The following ZER1 variants were observed in gnomAD, a reference collection of about 807,000 sequenced individuals.
ZER1 encodes zyg-11 related cell cycle regulator, also known as protein zer-1 homolog.
A neutral mutation model predicts 78.8 loss-of-function variants in ZER1; 11 were observed. That is an observed-to-expected ratio of 0.14 (90% CI 0.09 to 0.23). The LOEUF is 0.23. Among genes scored for constraint, ZER1 ranks in the 10% least tolerant of loss-of-function variants. The probability of loss-of-function intolerance (pLI) is 1.00; values close to 1 mark genes in which losing one functional copy is unlikely to be tolerated. For missense variants in ZER1, 588 were observed against 996.9 expected (o/e 0.59, Z 5.52); for synonymous variants, 400 against 407.0 (o/e 0.98, Z 0.21).
In ZER1 at chr9:128,760,011, C is replaced by G. The variant is rs578212873; in HGVS notation, c.-94-4352G>C. 7.2e-5 allele frequency among the ~76,000 whole-genome samples: 11 copies of G among 152,074 alleles called. No homozygotes were observed. In the South Asian group the frequency reaches 1.5e-3, roughly 20 times the overall value. The stretch of plus-strand genomic sequence containing the variant: ...CCTCCCACCTCAGCCTGTTGAGTAG[C>G]TGGGACCACAGGCATGTGCCACCAC... On this transcript the variant is annotated intron_variant, in intron 1 of 15. Transcript: ENST00000291900.
chr9:128,741,929 C>T (rs988450959), intron 9 of ZER1, 88 bp from the exon 10 acceptor site: 37 of 1,549,162 alleles, frequency 2.4e-5, no homozygotes, highest in Non-Finnish European at 2.9e-5. Context: ...GGCTCAGCAA[C>T]GCCATGGCTA....
At position 128,750,777 on chromosome 9, in the gene ZER1, C is replaced by T. The variant is rs1465125881; in HGVS notation, c.1198G>A (p.Ala400Thr). ...LLRALKLVIT[A>T]LKCHKYDRNI... is the part of the protein sequence containing the mutation. ...CTGTCATATTTGTGGCACTTGAGGG[C>T]CGTGATGACCAGCTGTATGAAGACA... The change falls in exon 8 of 16, where the codon GCC becomes ACC. Residue 400 changes from alanine (A) to threonine (T), a missense_variant. Ala to Thr is a moderately conservative substitution (Grantham distance 58). Coordinates refer to ENST00000291900, the MANE Select transcript of ZER1 (RefSeq NM_006336.4). The T allele has an allele frequency of 7.4e-6, 12 of 1,614,190 alleles. No individual in the cohort carries two copies. The highest frequency in any genetic ancestry group is 9.3e-6 in the Non-Finnish European group (11 of 1,180,042).
intron 8 of ZER1, 144 bp downstream of exon 8, chr9:128,750,472 G>T (rs985423526): frequency 1.0e-6 from 1 of 957,956 alleles, no homozygotes; most frequent in Non-Finnish European, 1.5e-6. Flanking sequence ...GAAGGGCCAG[G>T]TCCCAAGAGT....
chr9:128,751,022 G>A lies in ZER1; in HGVS notation c.1185+100C>T, dbSNP rs544427582. On this transcript the variant is annotated intron_variant, in intron 7 of 15. Transcript: ENST00000291900. The surrounding 1 kb of genome is among the most constrained non-coding windows in gnomAD (Gnocchi z 5.4). ...TCGGGTCCTGGGGCCCTGGGGACAG[G>A]GTGCAGAAGGACACAGGCTCTGGGG... is the stretch of plus-strand genomic sequence containing the variant. 7 of 1,477,254 alleles carry A rather than the reference G, an allele frequency of 4.7e-6. No homozygotes were observed. The highest frequency in any genetic ancestry group is 4.8e-5 in the Admixed American group (2 of 41,814). 91.5% of individuals were successfully genotyped at this position (1,477,254 alleles called of 1,614,324 possible). A position where few individuals can be genotyped will look rare whatever the true frequency, so the allele number is the denominator to read the frequency against.
intron 1 of ZER1, among the ~76,000 whole-genome samples, chr9:128,762,504 T>C (rs1192697969): frequency 2.0e-5 from 3 of 152,232 alleles, no homozygotes; most frequent in Non-Finnish European, 4.4e-5. Flanking sequence ...CACCTCTCTG[T>C]GCCTCAGTCA....
chr9:128,751,422 T>C lies in ZER1; in HGVS notation c.1029A>G (p.Pro343=). The change falls in exon 6 of 16, where the codon CCA becomes CCG. Residue 343 remains proline, a synonymous_variant. Coordinates refer to ENST00000291900, the MANE Select transcript of ZER1 (RefSeq NM_006336.4). The surrounding 1 kb of genome is among the most constrained non-coding windows in gnomAD (Gnocchi z 5.4). ...ENSLCRLTHI[P]AYKVSGDKNE... ...CACTTCCACTGCTCACTTTGTAGGC[T>C]GGAATGTGCGTGAGGCGGCACAGAG... 1.2e-6 allele frequency: 2 copies of C among 1,613,994 alleles called. No individual in the cohort carries two copies. The highest frequency in any genetic ancestry group is 1.7e-6 in the Non-Finnish European group (2 of 1,179,986).
At position 128,740,653 on chromosome 9, in the gene ZER1, G is replaced by A. The variant is rs561022753; in HGVS notation, c.1853+119C>T. Reference sequence around the variant, plus strand: ...TGAATGAATAAGAAACCACATTATCGAGGGAAAATGACATTTATAGCAAAC... The same window carrying A: ...TGAATGAATAAGAAACCACATTATCAAGGGAAAATGACATTTATAGCAAAC... On this transcript the variant is annotated intron_variant, in intron 12 of 15. Transcript: ENST00000291900. The surrounding 1 kb of genome is among the most constrained non-coding windows in gnomAD (Gnocchi z 4.4). The A allele has an allele frequency of 9.8e-6, 6 of 612,756 alleles. No individual in the cohort carries two copies. The highest frequency in any genetic ancestry group is 4.1e-5 in the South Asian group (2 of 49,008). 38.0% of individuals were successfully genotyped at this position (612,756 alleles called of 1,614,324 possible). A position where few individuals can be genotyped will look rare whatever the true frequency, so the allele number is the denominator to read the frequency against.
rs1564388950 is a variant in ZER1 at position 128,733,410 on chromosome 9, ACTGCTGGTCT to A, written c.2243+6_2243+15del. ...AAACCAAGGTTCCAGGCAGAAACACACTGCTGGTCTCTTACCGGGCCATTTCCTTGGTCTC... is the reference window on the plus strand; with the variant it reads ...AAACCAAGGTTCCAGGCAGAAACACACTTACCGGGCCATTTCCTTGGTCTC... On this transcript the variant is annotated splice_donor_region_variant and intron_variant, in intron 15 of 15. Coordinates refer to ENST00000291900, the MANE Select transcript of ZER1 (RefSeq NM_006336.4). 6.2e-7 allele frequency: 1 copy of A among 1,612,000 alleles called. No homozygotes were observed. The highest frequency in any genetic ancestry group is 8.5e-7 in the Non-Finnish European group (1 of 1,178,830).
chr9:128,738,480 G>A (rs989839424), intron 13 of ZER1, among the ~76,000 whole-genome samples: 1 of 148,080 alleles, frequency 6.8e-6, no homozygotes, highest in African/African-American at 2.5e-5. Context: ...CCGCCTCCCA[G>A]GTTCACACCA....
intron 14 of ZER1, among the ~76,000 whole-genome samples, chr9:128,733,901 G>A (rs1355643367): frequency 3.6e-5 from 5 of 139,878 alleles, no homozygotes; most frequent in East Asian, 2.1e-4. Context: ...AGGCCGAGAC[G>A]GGCGGATCAC....
intron 5 of ZER1, among the ~76,000 whole-genome samples, chr9:128,752,017 G>A (rs1266624048): frequency 1.3e-5 from 2 of 152,206 alleles, no homozygotes; most frequent in African/African-American, 2.4e-5. Flanking sequence ...GCTGAGTGTT[G>A]GGTAGTTCCC....
At position 128,729,797 on chromosome 9, in the gene ZER1, G is replaced by A. The variant is rs1862748360; in HGVS notation, c.*1540C>T. 2.0e-5 allele frequency: 3 copies of A among 152,730 alleles called. No homozygotes were observed. Among genetic ancestry groups the A allele is most frequent in the Non-Finnish European group, 2.9e-5 (2 of 68,068 alleles). 9.5% of individuals were successfully genotyped at this position (152,730 alleles called of 1,614,324 possible). On this transcript the variant is annotated 3_prime_UTR_variant, in exon 16 of 16. Transcript: ENST00000291900. ...AAAAAGACGCTCTGTTTTCCATTTT[G>A]CACAAAAATGTATTTCTGTGACTTC...
chr9:128,734,144 A>AAAAAAATATATAT, intron 14 of ZER1, among the ~76,000 whole-genome samples: 3 of 14,454 alleles, frequency 2.1e-4, no homozygotes, highest in African/African-American at 3.7e-4. Flanking sequence ...AAAAAAAAAA[A>AAAAAAATATATAT]ATATATATAT....
At chr9:128,747,907 C>T (rs1589528952) in intron 8 of ZER1, among the ~76,000 whole-genome samples, 2 of 152,290 alleles carry the variant, frequency 1.3e-5, no homozygotes, top group South Asian at 2.1e-4. Flanking sequence ...GTGAGGGCCA[C>T]CACACCTGGC....
rs768250185 is a variant in ZER1 at position 128,753,274 on chromosome 9, G to A, written c.636C>T (p.Ser212=). ...AALDLSGIQT[S]DAAFLTQWKD... is the part of the protein sequence containing the mutation. ...TCCACTGGGTGAGGAAGGCGGCGTCGCTCGTCTGAATGCCTGAGAGGTCCA... is the reference window on the plus strand; with the variant it reads ...TCCACTGGGTGAGGAAGGCGGCGTCACTCGTCTGAATGCCTGAGAGGTCCA... The change falls in exon 4 of 16, where the codon AGC becomes AGT. Residue 212 remains serine, a synonymous_variant. Transcript: ENST00000291900. This position sits in a 1 kb window ranked among gnomAD's most constrained non-coding sequence, Gnocchi z 7.5. 2.9e-5 allele frequency: 47 copies of A among 1,606,048 alleles called. No homozygotes were observed. The highest frequency in any genetic ancestry group is 4.5e-5 in the East Asian group (2 of 44,650).
intron 14 of ZER1, among the ~76,000 whole-genome samples, chr9:128,735,069 C>T (rs112708073): frequency 3.6e-4 from 2 of 5,630 alleles, no homozygotes; most frequent in Non-Finnish European, 0.018. Context: ...TTGGACTGTT[C>T]CTGCACATGG....
chr9:128,745,588 C>T (rs1863461753), intron 8 of ZER1, among the ~76,000 whole-genome samples: 1 of 151,804 alleles, frequency 6.6e-6, no homozygotes, highest in South Asian at 2.1e-4. Context: ...AACTCCTGAC[C>T]TCAGATGATC....
chr9:128,755,415 C>T lies in ZER1; in HGVS notation c.151G>A (p.Val51Ile), dbSNP rs773300702. The T allele has an allele frequency of 5.6e-6, 9 of 1,614,030 alleles. No individual in the cohort carries two copies. The highest frequency in any genetic ancestry group is 2.2e-5 in the South Asian group (2 of 91,078). ...FLPSEICDRL[V>I]NEYVELVNAA... ...AGCCCTGGGTCTGCTCACTCATTGA[C>T]GAGCCGGTCACAGATCTCGCTGGGC... Residue 51 changes from valine to isoleucine, a missense_variant, in exon 2 of 16, where the codon GTC becomes ATC. Physicochemically the swap from Val to Ile is conservative, Grantham distance 29. Transcript: ENST00000291900. The surrounding 1 kb of genome is among the most constrained non-coding windows in gnomAD (Gnocchi z 5.6).
At chr9:128,731,660 T>G (rs1862827322) in intron 15 of ZER1, among the ~76,000 whole-genome samples, 1 of 152,158 alleles carries the variant, frequency 6.6e-6, no homozygotes, top group African/African-American at 2.4e-5. Context: ...TCCCAGGGCA[T>G]CTGTGGATAG....
Sources: allele counts gnomAD v4.1 joint callset (sites outside exome capture counted in the v4.1 genomes callset), GRCh38; gene constraint gnomAD v4.1.1; non-coding constraint Gnocchi (gnomAD v3.1); transcripts MANE v1.5; gene names NCBI Gene and HGNC (gene_info 2026-07-23, HGNC 2026-07-21).